LAMC1: variants seen among roughly 807,000 people sequenced by gnomAD.
LAMC1 encodes the protein laminin subunit gamma-1.
LAMC1 carries 38 observed loss-of-function variants against 173.6 expected under a neutral mutation model. The observed-to-expected ratio is 0.22, with a 90% CI of 0.17 to 0.29. The LOEUF is 0.29. LAMC1 is among the 10% of genes least tolerant of loss of function. The probability of loss-of-function intolerance (pLI) is 1.00; values close to 1 mark genes in which losing one functional copy is unlikely to be tolerated. For synonymous variants in LAMC1, 746 were observed against 749.1 expected, an observed-to-expected ratio of 1.00 and a Z score of 0.07; for missense variants, 1,824 against 2,051.8, an observed-to-expected ratio of 0.89 and a Z score of 2.14.
chr1:183,051,216 A>G (rs1472534408), intron 1 of LAMC1, among the ~76,000 whole-genome samples: 4 of 152,166 alleles, frequency 2.6e-5, no homozygotes, highest in Non-Finnish European at 4.4e-5. Context: ...ATGGGACAGT[A>G]TGTGTGATGA....
chr1:183,073,389 G>T (rs959891647), intron 1 of LAMC1, among the ~76,000 whole-genome samples: 1 of 152,184 alleles, frequency 6.6e-6, no homozygotes, highest in Non-Finnish European at 1.5e-5. Context: ...TAAAAACAAA[G>T]GTTTTGGCAG....
At chr1:183,136,612 C>G (rs754800487) in intron 25 of LAMC1, 27 bp downstream of exon 25, 5 of 1,542,974 alleles carry the variant, frequency 3.2e-6, no homozygotes, top group Non-Finnish European at 4.4e-6. Context: ...CTCCAAGAGT[C>G]CCTGCCCATA....
chr1:183,092,963 C>T (rs556484004), intron 1 of LAMC1, among the ~76,000 whole-genome samples: 117 of 152,232 alleles, frequency 7.7e-4, no homozygotes, highest in Non-Finnish European at 1.4e-3. Flanking sequence ...CCTTCAGCTA[C>T]CACCTCATTT....
At chr1:183,096,877 AG>A (rs773714315) in intron 1 of LAMC1, among the ~76,000 whole-genome samples, 124 of 152,356 alleles carry the variant, frequency 8.1e-4, no homozygotes, top group Non-Finnish European at 2.6e-4. Flanking sequence ...TTTAGCCAAT[AG>A]AAACTAGCCC....
intron 1 of LAMC1, among the ~76,000 whole-genome samples, chr1:183,071,860 G>A (rs1655019786): frequency 6.6e-6 from 1 of 152,166 alleles, no homozygotes; most frequent in Non-Finnish European, 1.5e-5. Context: ...AAAACACATG[G>A]AAAACAAGGT....
chr1:183,114,512 C>T lies in LAMC1; in HGVS notation c.1022-19C>T, dbSNP rs1050352212. 2.5e-6 allele frequency: 4 copies of T among 1,613,144 alleles called. No homozygotes were observed. The highest frequency in any genetic ancestry group is 2.2e-5 in the East Asian group (1 of 44,894). ...AAAGGTACCCAGATCTGATGTAACT[C>T]GTGTGTTTTGACTGACAGCCTGTGA... On this transcript the variant is annotated intron_variant, in intron 4 of 27. Coordinates refer to ENST00000258341, the MANE Select transcript of LAMC1 (RefSeq NM_002293.4).
chr1:183,123,737 TCAC>T (rs1273271484), intron 13 of LAMC1, among the ~76,000 whole-genome samples: 3 of 152,348 alleles, frequency 2.0e-5, no homozygotes, highest in African/African-American at 7.2e-5. Context: ...GTATTGGTCT[TCAC>T]CAACCGCTGC....
intron 1 of LAMC1, among the ~76,000 whole-genome samples, chr1:183,040,902 C>T (rs1385615183): frequency 1.3e-5 from 2 of 152,046 alleles, no homozygotes; most frequent in East Asian, 1.9e-4. Flanking sequence ...ACATGAAGTG[C>T]CGTGAGAGAA....
chr1:183,104,055 G>T (rs1047597040), intron 2 of LAMC1, among the ~76,000 whole-genome samples: 4 of 152,068 alleles, frequency 2.6e-5, no homozygotes, highest in Middle Eastern at 3.2e-3. Flanking sequence ...TTTAAAATTA[G>T]CAAAGGGGAA....
At chr1:183,038,430 C>CCT (rs1654040477) in intron 1 of LAMC1, among the ~76,000 whole-genome samples, 1 of 152,178 alleles carries the variant, frequency 6.6e-6, no homozygotes, top group Admixed American at 6.5e-5. Flanking sequence ...TTAAAATGTC[C>CCT]TCAGTGTCCT....
At chr1:183,029,694 A>G (rs1653799503) in intron 1 of LAMC1, among the ~76,000 whole-genome samples, 1 of 152,122 alleles carries the variant, frequency 6.6e-6, no homozygotes, top group Non-Finnish European at 1.5e-5. Context: ...GCCACCCTGT[A>G]GGTATTTATC....
chr1:183,056,128 A>G (rs892147822), intron 1 of LAMC1, among the ~76,000 whole-genome samples: 1 of 152,254 alleles, frequency 6.6e-6, no homozygotes, highest in East Asian at 1.9e-4. Flanking sequence ...TGCAGTGGTT[A>G]GAGCATGGGC....
At position 183,130,484 on chromosome 1, in the gene LAMC1, A is replaced by G. The variant is rs1571461674; in HGVS notation, c.3421A>G (p.Thr1141Ala). The G allele has an allele frequency of 2.5e-6, 4 of 1,614,226 alleles. No individual in the cohort carries two copies. Among genetic ancestry groups the G allele is most frequent in the East Asian group, 4.5e-5 (2 of 44,886 alleles). The stretch of plus-strand genomic sequence containing the variant: ...ACAAGCGCGTGCCCATGTAGAGAAC[A>G]CAGAGCGGTTGATTGAAATCGCATC... Reference protein sequence around the residue: ...AEQARAHVENTERLIEIASRE... With the variant: ...AEQARAHVENAERLIEIASRE... Residue 1141 changes from threonine (T) to alanine (A), a missense_variant, in exon 19 of 28, where the codon ACA (threonine) becomes GCA (alanine). By Grantham distance (58) the Thr-to-Ala change is moderately conservative. Coordinates refer to ENST00000258341, the MANE Select transcript of LAMC1 (RefSeq NM_002293.4).
intron 1 of LAMC1, among the ~76,000 whole-genome samples, chr1:183,053,089 T>C (rs1479623669): frequency 2.0e-5 from 3 of 152,216 alleles, no homozygotes; most frequent in African/African-American, 7.2e-5. Flanking sequence ...TCCGTCATTC[T>C]GAATTTATTT....
chr1:183,132,634 C>T (rs1221898819), intron 21 of LAMC1, 97 bp downstream of exon 21: 1 of 888,912 alleles, frequency 1.1e-6, no homozygotes, highest in African/African-American at 1.7e-5. Context: ...TCAGGGCATA[C>T]ATTCATGCAG....
At chr1:183,104,160 A>C (rs930143330) in intron 2 of LAMC1, among the ~76,000 whole-genome samples, 2 of 152,238 alleles carry the variant, frequency 1.3e-5, no homozygotes, top group Non-Finnish European at 2.9e-5. Flanking sequence ...TGATCATTAA[A>C]GAAACTCCTC....
chr1:183,068,485 A>G (rs1376304716), intron 1 of LAMC1, among the ~76,000 whole-genome samples: 4 of 152,248 alleles, frequency 2.6e-5, no homozygotes, highest in African/African-American at 9.6e-5. Flanking sequence ...AGTTAGCAGC[A>G]GCCACTGAAT....
At chr1:183,071,288 T>C (rs1258310388) in intron 1 of LAMC1, among the ~76,000 whole-genome samples, 3 of 152,138 alleles carry the variant, frequency 2.0e-5, no homozygotes, top group African/African-American at 7.2e-5. Context: ...GGAAAATACT[T>C]GATGCTGTGT....
At chr1:183,128,359 A>T (rs1192320263) in intron 17 of LAMC1, among the ~76,000 whole-genome samples, 1 of 152,126 alleles carries the variant, frequency 6.6e-6, no homozygotes, top group African/African-American at 2.4e-5. Context: ...ACATGCATGG[A>T]GTGGATAGAA....
Sources: gnomAD v4.1 joint callset for allele counts (sites outside exome capture counted in the v4.1 genomes callset) on GRCh38, gnomAD v4.1.1 for gene constraint, MANE v1.5 for transcripts, NCBI Gene and HGNC (gene_info 2026-07-23, HGNC 2026-07-21) for gene names.